The following TBC1D1 variants were observed in gnomAD, a reference collection of about 807,000 sequenced individuals.
TBC1D1 encodes the protein TBC1 (tre-2/USP6, BUB2, cdc16) domain family, member 1.
A neutral mutation model predicts 125.6 loss-of-function variants in TBC1D1; 89 were observed. The ratio of observed to expected loss-of-function variants is 0.71; its 90% CI spans 0.60 to 0.85. The LOEUF (loss-of-function observed/expected upper bound fraction) is 0.85. Ranked by LOEUF, TBC1D1 falls within the 40% of genes least tolerant of loss-of-function variation. The probability of loss-of-function intolerance (pLI) is 0.00; values close to 1 mark genes in which losing one functional copy is unlikely to be tolerated. For synonymous variants in TBC1D1, 565 were observed against 564.1 expected (o/e 1.00, Z -0.02); for missense variants, 1,377 against 1,469.2 (o/e 0.94, Z 1.03).
chr4:37,941,718 G>A (rs1324425173), intron 2 of TBC1D1, among the ~76,000 whole-genome samples: 1 of 152,180 alleles, frequency 6.6e-6, no homozygotes, highest in East Asian at 1.9e-4. Flanking sequence ...ATTCTGGTAT[G>A]TTGTGTCTTT....
chr4:37,940,909 G>A (rs200713464), intron 2 of TBC1D1, among the ~76,000 whole-genome samples: 4 of 152,140 alleles, frequency 2.6e-5, no homozygotes, highest in Middle Eastern at 3.4e-3. Flanking sequence ...TTTGATGTGC[G>A]GCTGGGTTCG....
At chr4:37,911,798 A>G (rs902157528) in intron 2 of TBC1D1, among the ~76,000 whole-genome samples, 2 of 152,232 alleles carry the variant, frequency 1.3e-5, no homozygotes, top group African/African-American at 4.8e-5. Flanking sequence ...TCTGAATGCC[A>G]TATTTTCAGG....
chr4:38,119,384 T>G (rs1266499336), intron 17 of TBC1D1, among the ~76,000 whole-genome samples: 1 of 152,124 alleles, frequency 6.6e-6, no homozygotes, highest in African/African-American at 2.4e-5. Context: ...CCATTTTGCT[T>G]TACTATAAGA....
At chr4:38,083,350 G>A (rs550110869) in intron 12 of TBC1D1, among the ~76,000 whole-genome samples, 103 of 152,270 alleles carry the variant, frequency 6.8e-4, no homozygotes, top group African/African-American at 2.0e-3. Flanking sequence ...CTATCTGGTC[G>A]TTAGACAAAA....
intron 2 of TBC1D1, among the ~76,000 whole-genome samples, chr4:37,945,814 A>G (rs1726584653): frequency 6.6e-6 from 1 of 152,184 alleles, no homozygotes; most frequent in African/African-American, 2.4e-5. Context: ...TAAATTTTAA[A>G]TCTTTTTGAT....
At position 38,023,014 on chromosome 4, in the gene TBC1D1, C is replaced by T. The variant is rs184581574; in HGVS notation, c.1210+1296C>T. Among the ~76,000 whole-genome samples the T allele has an allele frequency of 5.1e-3, 775 of 152,102 alleles. 4 individuals carry two copies. Among genetic ancestry groups the T allele is most frequent in the African/African-American group, 0.017 (701 of 41,484 alleles). On this transcript the variant is annotated intron_variant, in intron 6 of 19. Transcript: ENST00000261439. The stretch of plus-strand genomic sequence containing the variant: ...GGCAGATCACTTCAGGCCAAGAGTT[C>T]GAGACCAGCCTGGGCAACATGGTGA...
intron 2 of TBC1D1, chr4:37,960,501 G>T (rs965657150): frequency 1.2e-6 from 2 of 1,614,162 alleles, no homozygotes; most frequent in Admixed American, 3.3e-5. Context: ...TGCCAAGGAT[G>T]TGCTGAAGCT....
At chr4:37,982,713 A>G (rs1403447723) in intron 2 of TBC1D1, among the ~76,000 whole-genome samples, 1 of 152,200 alleles carries the variant, frequency 6.6e-6, no homozygotes, top group East Asian at 1.9e-4. Context: ...GCCTGATGAG[A>G]AAAAAAGATA....
At chr4:37,961,118 A>G (rs1729960151) in intron 2 of TBC1D1, 1 of 1,464,146 alleles carries the variant, frequency 6.8e-7, no homozygotes, top group Non-Finnish European at 9.5e-7. Context: ...TAATAAATAC[A>G]TAAATATAAA....
rs115854153 is a variant in TBC1D1 at position 38,042,677 on chromosome 4, T to C, written c.1414-1685T>C. ...CTGAAAGGGACAGGAGGTAACAGTC[T>C]GGCCAAGACCACAGAGCCAGGGAAT... is the stretch of plus-strand genomic sequence containing the variant. On this transcript the variant is annotated intron_variant, in intron 8 of 19. Coordinates refer to ENST00000261439, the MANE Select transcript of TBC1D1 (RefSeq NM_015173.4). Among the ~76,000 whole-genome samples, 1,373 of 152,298 alleles carry C rather than the reference T, an allele frequency of 9.0e-3. 21 individuals carry two copies. Among genetic ancestry groups the C allele is most frequent in the African/African-American group, 0.031 (1,307 of 41,564 alleles).
At position 38,018,413 on chromosome 4, in the gene TBC1D1, A is replaced by G. The variant is rs1329384575; in HGVS notation, c.942A>G (p.Lys314=). 1 of 1,612,266 alleles carries G rather than the reference A, an allele frequency of 6.2e-7. No individual in the cohort carries two copies. Among genetic ancestry groups the G allele is most frequent in the Non-Finnish European group, 8.5e-7 (1 of 1,179,242 alleles). ...ACACCAAAAAAATAGCATTGGAGAA[A>G]AATTTTAAGGAGATATCCTTTTGCT... Residue 314 remains lysine, a synonymous_variant, in exon 4 of 20, where the codon AAA becomes AAG. Transcript: ENST00000261439.
At chr4:37,988,124 C>T (rs571925721) in intron 2 of TBC1D1, among the ~76,000 whole-genome samples, 1 of 152,184 alleles carries the variant, frequency 6.6e-6, no homozygotes, top group Admixed American at 6.5e-5. Flanking sequence ...GCATGTAAAC[C>T]GTCAAGCACT....
rs779455406 is a variant in TBC1D1, at chr4:38,027,771, C to T, written c.1211-17C>T. On this transcript the variant is annotated splice_polypyrimidine_tract_variant and intron_variant, in intron 6 of 19. Coordinates refer to ENST00000261439, the MANE Select transcript of TBC1D1 (RefSeq NM_015173.4). ...TTATATAGAATTTTTTCATGCCTCT[C>T]TTTTTTCTCTTAATAGGAATGAATT... 6.3e-7 allele frequency: 1 copy of T among 1,592,184 alleles called. No individual in the cohort carries two copies.
chr4:37,935,893 T>G (rs2152296570), intron 2 of TBC1D1, among the ~76,000 whole-genome samples: 1 of 152,338 alleles, frequency 6.6e-6, no homozygotes, highest in East Asian at 1.9e-4. Flanking sequence ...ACTTCTAGAA[T>G]ATGACAGCGC....
intron 2 of TBC1D1, among the ~76,000 whole-genome samples, chr4:37,983,121 C>CT (rs71190937): frequency 0.16 from 18,908 of 116,412 alleles, 1,944 homozygotes; most frequent in African/African-American, 0.28. Flanking sequence ...TCCCCAAACT[C>CT]TTTTTTTTTT....
intron 17 of TBC1D1, 112 bp from the exon 20 acceptor site, chr4:38,124,850 G>A (rs1560269343): frequency 4.9e-6 from 4 of 814,362 alleles, no homozygotes; most frequent in East Asian, 4.9e-5. Context: ...AGTTTGCAAT[G>A]TGGGGCTATG....
intron 2 of TBC1D1, among the ~76,000 whole-genome samples, chr4:37,902,915 G>A (rs1716392035): frequency 6.6e-6 from 1 of 152,208 alleles, no homozygotes; most frequent in South Asian, 2.1e-4. Flanking sequence ...GACTGCATTT[G>A]TAACAAGCTG....
chr4:38,131,391 A>G (rs1765561875), intron 18 of TBC1D1, among the ~76,000 whole-genome samples: 1 of 152,226 alleles, frequency 6.6e-6, no homozygotes, highest in African/African-American at 2.4e-5. Context: ...TGTGGTTTTT[A>G]CTGTTCAGAC....
intron 12 of TBC1D1, among the ~76,000 whole-genome samples, chr4:38,085,984 G>A (rs903111084): frequency 1.3e-5 from 2 of 152,166 alleles, no homozygotes; most frequent in African/African-American, 4.8e-5. Flanking sequence ...GCCCAGTCTG[G>A]ATCTTTTTGC....
Sources: gnomAD v4.1 joint callset for allele counts (sites outside exome capture counted in the v4.1 genomes callset) on GRCh38, gnomAD v4.1.1 for gene constraint, MANE v1.5 for transcripts, NCBI Gene and HGNC (gene_info 2026-07-23, HGNC 2026-07-21) for gene names.